GSE1: variants seen among roughly 807,000 people sequenced by gnomAD.
GSE1 encodes genetic suppressor element 1.
GSE1 carries 32 observed loss-of-function variants against 112.6 expected under a neutral mutation model. That is an observed-to-expected ratio of 0.28 (90% CI 0.21 to 0.38). The LOEUF is 0.38. Among genes scored for constraint, GSE1 ranks in the 10% least tolerant of loss-of-function variants. The probability of loss-of-function intolerance (pLI) is 1.00; values close to 1 mark genes in which losing one functional copy is unlikely to be tolerated. For synonymous variants in GSE1, 1,115 were observed against 735.6 expected, an observed-to-expected ratio of 1.52 and a Z score of -8.35; for missense variants, 2,348 against 1,699.2, an observed-to-expected ratio of 1.38 and a Z score of -6.71.
At chr16:85,176,648 T>C (rs1017986761) in intron 1 of GSE1, among the ~76,000 whole-genome samples, 6 of 152,266 alleles carry the variant, frequency 3.9e-5, no homozygotes, top group African/African-American at 1.4e-4. Flanking sequence ...TTCTGGTTAA[T>C]GGCGCATGCA....
chr16:85,569,254 T>G (rs1254833297), intron 1 of GSE1, among the ~76,000 whole-genome samples: 1 of 152,214 alleles, frequency 6.6e-6, no homozygotes, highest in South Asian at 2.1e-4. Flanking sequence ...GAACGGTCAG[T>G]GCTCACTCCT....
In GSE1 at chr16:85,434,358, C is replaced by T. The variant is rs567443669; in HGVS notation, c.2464+76715C>T. Among the ~76,000 whole-genome samples the T allele has an allele frequency of 1.0e-4, 14 of 136,158 alleles. No individual in the cohort carries two copies. In the East Asian group the frequency reaches 2.9e-3, roughly 28 times the overall value. The allele number at this position is 136,158 out of a possible 152,430, so 89.3% of individuals were successfully genotyped here. ...AATAATAATAATAATCAGTGCCGTCCGCCTCCTGTATACCCGGTGTCAGCG... is the reference window on the plus strand; with the variant it reads ...AATAATAATAATAATCAGTGCCGTCTGCCTCCTGTATACCCGGTGTCAGCG... On this transcript the variant is annotated intron_variant, in intron 2 of 2. Transcript: ENST00000637419.
At chr16:85,296,176 G>T (rs925900299) in intron 1 of GSE1, among the ~76,000 whole-genome samples, 1 of 152,138 alleles carries the variant, frequency 6.6e-6, no homozygotes, top group Non-Finnish European at 1.5e-5. Flanking sequence ...CGAAAGGCAC[G>T]CTAGGGAAGG....
intron 2 of GSE1, among the ~76,000 whole-genome samples, chr16:85,446,050 C>T (rs1320304968): frequency 1.3e-5 from 2 of 152,166 alleles, no homozygotes; most frequent in East Asian, 1.9e-4. Context: ...ACACAGTGAG[C>T]GTTCTGTAAA....
rs2050321372 is a variant in GSE1 at position 85,472,346 on chromosome 16, A to G, written c.2464+114703A>G. ...GGGGAGGAAGCTTCCTGCCTCTTCC[A>G]GCCTCTGGTAGCTCCGGGCGTTCCT... On this transcript the variant is annotated intron_variant, in intron 2 of 2. Transcript: ENST00000637419. Among the ~76,000 whole-genome samples the G allele has an allele frequency of 2.6e-5, 4 of 152,292 alleles. No individual in the cohort carries two copies. The South Asian group carries it at 6.2e-4, about 24-fold the overall frequency.
chr16:85,649,778 G>C (rs1480014723), intron 3 of GSE1, among the ~76,000 whole-genome samples: 3 of 152,194 alleles, frequency 2.0e-5, no homozygotes, highest in African/African-American at 7.2e-5. Flanking sequence ...CAAAGAAGGT[G>C]GGGAGGAGGG....
intron 2 of GSE1, among the ~76,000 whole-genome samples, chr16:85,375,800 T>C (rs1229169067): frequency 6.6e-6 from 1 of 152,198 alleles, no homozygotes; most frequent in African/African-American, 2.4e-5. Context: ...CCCTGGCCCC[T>C]GTGACTCTCT....
intron 1 of GSE1, among the ~76,000 whole-genome samples, chr16:85,254,173 C>G (rs527506701): frequency 6.6e-6 from 1 of 152,188 alleles, no homozygotes; most frequent in African/African-American, 2.4e-5. Context: ...GGTTTCTACC[C>G]TGGTGTACTC....
chr16:85,404,545 A>C (rs375579966), intron 2 of GSE1, among the ~76,000 whole-genome samples: 1 of 42,224 alleles, frequency 2.4e-5, no homozygotes, highest in African/African-American at 1.1e-4. Context: ...GATAATCCTC[A>C]CTGTTACTCT....
chr16:85,649,598 C>T (rs1312255779), intron 3 of GSE1, among the ~76,000 whole-genome samples: 2 of 152,072 alleles, frequency 1.3e-5, no homozygotes, highest in Non-Finnish European at 2.9e-5. Flanking sequence ...CTGCCTGGGG[C>T]CTGTGCGCCC....
At chr16:85,338,631 A>G (rs2046556079) in intron 1 of GSE1, among the ~76,000 whole-genome samples, 1 of 152,246 alleles carries the variant, frequency 6.6e-6, no homozygotes, top group Non-Finnish European at 1.5e-5. Flanking sequence ...GGGAAATAAA[A>G]TCAGCTAGGT....
chr16:85,280,359 C>G (rs2044821508), intron 1 of GSE1, among the ~76,000 whole-genome samples: 1 of 152,212 alleles, frequency 6.6e-6, no homozygotes, highest in Non-Finnish European at 1.5e-5. Context: ...GAATGCACCA[C>G]TCCTGGGCTG....
chr16:85,316,296 A>G (rs891051492), intron 1 of GSE1, among the ~76,000 whole-genome samples: 1 of 152,220 alleles, frequency 6.6e-6, no homozygotes, highest in Non-Finnish European at 1.5e-5. Flanking sequence ...CATGTCATCA[A>G]TATGTTGAAT....
chr16:85,647,214 AGCCACCAGTC>A (rs2050947433), intron 2 of GSE1, among the ~76,000 whole-genome samples: 1 of 152,086 alleles, frequency 6.6e-6, no homozygotes, highest in African/African-American at 2.4e-5. Flanking sequence ...TCTTGGCTGT[AGCCACCAGTC>A]ACCCAGGCCC....
At chr16:85,250,507 C>T (rs1469898773) in intron 1 of GSE1, among the ~76,000 whole-genome samples, 1 of 152,256 alleles carries the variant, frequency 6.6e-6, no homozygotes, top group Non-Finnish European at 1.5e-5. Flanking sequence ...CTGCAAGCCC[C>T]TTGCCATGGA....
chr16:85,334,679 C>A (rs921736984), intron 1 of GSE1, among the ~76,000 whole-genome samples: 1 of 152,176 alleles, frequency 6.6e-6, no homozygotes, highest in Non-Finnish European at 1.5e-5. Flanking sequence ...CATTTTTCTT[C>A]CCCCTAAATG....
chr16:85,571,234 G>A (rs560559341), intron 1 of GSE1, among the ~76,000 whole-genome samples: 3 of 152,346 alleles, frequency 2.0e-5, no homozygotes, highest in East Asian at 3.9e-4. Context: ...CGGCATCAGT[G>A]CTGCTGGCCC....
chr16:85,200,298 G>A (rs1309892126), intron 1 of GSE1, among the ~76,000 whole-genome samples: 11 of 151,554 alleles, frequency 7.3e-5, no homozygotes, highest in African/African-American at 2.4e-4. Context: ...TATCTCCCAC[G>A]GCAGGTGGGC....
chr16:85,309,786 G>C (rs1427081758), intron 1 of GSE1, among the ~76,000 whole-genome samples: 1 of 152,248 alleles, frequency 6.6e-6, no homozygotes, highest in Non-Finnish European at 1.5e-5. Flanking sequence ...GGGCCGGCTG[G>C]CGGCCTGGGG....
Sources: gnomAD v4.1 joint callset for allele counts (sites outside exome capture counted in the v4.1 genomes callset) on GRCh38, gnomAD v4.1.1 for gene constraint, MANE v1.5 for transcripts, NCBI Gene and HGNC (gene_info 2026-07-23, HGNC 2026-07-21) for gene names.